The following FRAS1 variants were observed in gnomAD, a reference collection of about 807,000 sequenced individuals.
FRAS1 encodes extracellular matrix organizing protein FRAS1.
FRAS1 carries 290 observed loss-of-function variants against 435.2 expected under a neutral mutation model. That is an observed-to-expected ratio of 0.67 (90% CI 0.61 to 0.73). The LOEUF is 0.73. FRAS1 is among the 30% of genes least tolerant of loss of function. FRAS1 has a pLI of 0.00. For missense variants in FRAS1, 4,860 were observed against 5,001.5 expected, an observed-to-expected ratio of 0.97 and a Z score of 0.85; for synonymous variants, 1,800 against 1,851.0, an observed-to-expected ratio of 0.97 and a Z score of 0.71.
intron 2 of FRAS1, among the ~76,000 whole-genome samples, chr4:78,235,396 T>C (rs1468185327): frequency 6.6e-6 from 1 of 152,192 alleles, no homozygotes; most frequent in Non-Finnish European, 1.5e-5. Flanking sequence ...GATGTTGGTG[T>C]TCTAAGGACT....
chr4:78,449,020 G>A (rs1430710590), intron 44 of FRAS1, among the ~76,000 whole-genome samples: 1 of 152,128 alleles, frequency 6.6e-6, no homozygotes, highest in African/African-American at 2.4e-5. Flanking sequence ...GGAAAACTTG[G>A]TAGTTCTCAA....
At chr4:78,444,204 T>C (rs1358933776) in intron 41 of FRAS1, 2 of 449,908 alleles carry the variant, frequency 4.4e-6, no homozygotes, top group Non-Finnish European at 8.9e-6. Context: ...TTTCTCCTGT[T>C]TAGAGTGATA....
At chr4:78,307,467 C>G (rs1416483963) in intron 14 of FRAS1, among the ~76,000 whole-genome samples, 1 of 152,224 alleles carries the variant, frequency 6.6e-6, no homozygotes, top group African/African-American at 2.4e-5. Context: ...CCCAGCCTTG[C>G]TGCCGCCTTG....
chr4:78,079,152 T>G (rs1246884793), intron 2 of FRAS1, among the ~76,000 whole-genome samples: 1 of 152,146 alleles, frequency 6.6e-6, no homozygotes, highest in Admixed American at 6.6e-5. Context: ...AAAGGCTGAG[T>G]ACTCAATGCA....
intron 4 of FRAS1, among the ~76,000 whole-genome samples, chr4:78,246,375 C>T (rs1019441371): frequency 2.0e-5 from 3 of 152,072 alleles, no homozygotes; most frequent in South Asian, 2.1e-4. Context: ...GCTCATTTCC[C>T]TGTGGGGCAG....
chr4:78,389,600 A>C (rs1023631527), intron 29 of FRAS1, among the ~76,000 whole-genome samples: 13 of 152,186 alleles, frequency 8.5e-5, no homozygotes, highest in Admixed American at 7.9e-4. Flanking sequence ...CTGGGAGATG[A>C]GGTTTAGTTC....
chr4:78,366,484 G>A (rs1272484631), intron 22 of FRAS1, among the ~76,000 whole-genome samples: 1 of 152,232 alleles, frequency 6.6e-6, no homozygotes, highest in African/African-American at 2.4e-5. Context: ...CACAATTACT[G>A]TCATTCCCCA....
chr4:78,249,031 G>A (rs921909377), intron 4 of FRAS1, among the ~76,000 whole-genome samples: 23 of 41,106 alleles, frequency 5.6e-4, no homozygotes, highest in Admixed American at 2.3e-3. Context: ...TTTCATAAAC[G>A]TGTATGAAGA....
chr4:78,481,909 T>C lies in FRAS1; in HGVS notation c.8549T>C (p.Val2850Ala), dbSNP rs1190123532. ...GACCCAGCTTCTGCCACACCAGGAGTTGACTACGTTCCCAGCTCTCGGAAG... is the reference window on the plus strand; with the variant it reads ...GACCCAGCTTCTGCCACACCAGGAGCTGACTACGTTCCCAGCTCTCGGAAG... ...PSDPASATPG[V>A]DYVPSSRKVE... The change falls in exon 57 of 74, where the codon GTT becomes GCT. Residue 2850 changes from valine (V) to alanine (A), a missense_variant. By Grantham distance (64) the Val-to-Ala change is moderately conservative. Transcript: ENST00000512123. The C allele has an allele frequency of 2.5e-6, 4 of 1,613,626 alleles. No homozygotes were observed. In the African/African-American group the frequency reaches 4.0e-5, roughly 16 times the overall value.
intron 2 of FRAS1, among the ~76,000 whole-genome samples, chr4:78,117,692 A>G (rs116312654): frequency 0.28 from 42,437 of 149,754 alleles, 6,222 homozygotes; most frequent in African/African-American, 0.36. Context: ...GGTCTTTTGA[A>G]GATTTCTCTG....
chr4:78,508,063 A>G (rs544927866), intron 62 of FRAS1, among the ~76,000 whole-genome samples: 2 of 152,330 alleles, frequency 1.3e-5, no homozygotes, highest in South Asian at 4.1e-4. Flanking sequence ...ATACTACCTC[A>G]TATCTATCAT....
intron 2 of FRAS1, among the ~76,000 whole-genome samples, chr4:78,228,838 A>T (rs1342795491): frequency 6.6e-6 from 1 of 152,228 alleles, no homozygotes; most frequent in African/African-American, 2.4e-5. Context: ...CTGTGGTAAT[A>T]CAAGTACATT....
intron 2 of FRAS1, among the ~76,000 whole-genome samples, chr4:78,073,850 A>G (rs979574902): frequency 6.6e-6 from 1 of 152,208 alleles, no homozygotes; most frequent in Non-Finnish European, 1.5e-5. Context: ...TTTCTGTGAC[A>G]CTTAAACATA....
chr4:78,135,976 C>T (rs940419495), intron 2 of FRAS1, among the ~76,000 whole-genome samples: 9 of 152,178 alleles, frequency 5.9e-5, no homozygotes, highest in African/African-American at 2.2e-4. Flanking sequence ...CTGATCGATA[C>T]CTAACTGTGT....
chr4:78,391,418 T>C (rs188591624), intron 29 of FRAS1, among the ~76,000 whole-genome samples: 67 of 152,308 alleles, frequency 4.4e-4, no homozygotes, highest in African/African-American at 1.5e-3. Context: ...CTTTCATTAA[T>C]TGGGGGGATT....
intron 2 of FRAS1, among the ~76,000 whole-genome samples, chr4:78,125,075 G>A (rs1719264889): frequency 6.6e-6 from 1 of 152,124 alleles, no homozygotes; most frequent in South Asian, 2.1e-4. Context: ...TTTTAATTGT[G>A]ATGTTAGTGT....
chr4:78,450,539 G>T (rs555815489), intron 45 of FRAS1, 200 bp downstream of exon 45: 4 of 558,756 alleles, frequency 7.2e-6, no homozygotes, highest in Non-Finnish European at 1.3e-5. Context: ...GTTGAAATGT[G>T]TTCATGCTTT....
At chr4:78,156,723 C>T (rs958965540) in intron 2 of FRAS1, among the ~76,000 whole-genome samples, 8 of 152,212 alleles carry the variant, frequency 5.3e-5, no homozygotes, top group South Asian at 4.2e-4. Flanking sequence ...CTAAGTGTTA[C>T]GCAATTAGCA....
At chr4:78,330,617 G>A (rs1729909362) in intron 18 of FRAS1, among the ~76,000 whole-genome samples, 2 of 152,192 alleles carry the variant, frequency 1.3e-5, no homozygotes, top group South Asian at 2.1e-4. Context: ...CTGGGCGTGT[G>A]CATCTCTTAT....
Sources: gnomAD v4.1 joint callset for allele counts (sites outside exome capture counted in the v4.1 genomes callset) on GRCh38, gnomAD v4.1.1 for gene constraint, MANE v1.5 for transcripts, NCBI Gene and HGNC (gene_info 2026-07-23, HGNC 2026-07-21) for gene names.